PTPRK: variants seen among roughly 807,000 people sequenced by gnomAD.
PTPRK encodes the protein protein tyrosine phosphatase receptor type K, also known as receptor-type tyrosine-protein phosphatase kappa.
PTPRK carries 75 observed loss-of-function variants against 178.0 expected under a neutral mutation model. That is an observed-to-expected ratio of 0.42 (90% CI 0.35 to 0.51). PTPRK has a LOEUF of 0.51. Among genes scored for constraint, PTPRK ranks in the 20% least tolerant of loss-of-function variants. The pLI, the probability that PTPRK is intolerant of heterozygous loss-of-function variation, is 0.02. For synonymous variants in PTPRK, 637 were observed against 620.6 expected (o/e 1.03, Z -0.39); for missense variants, 1,441 against 1,797.8 (o/e 0.80, Z 3.59).
chr6:128,426,170 T>C (rs943542154), intron 1 of PTPRK, among the ~76,000 whole-genome samples: 5 of 152,246 alleles, frequency 3.3e-5, no homozygotes, highest in African/African-American at 1.2e-4. Context: ...ATTATTCCTC[T>C]GATTTCTAGT....
At chr6:128,018,632 T>G (rs1231905912) in intron 13 of PTPRK, among the ~76,000 whole-genome samples, 1 of 152,088 alleles carries the variant, frequency 6.6e-6, no homozygotes, top group Non-Finnish European at 1.5e-5. Context: ...CCTTCTAGAT[T>G]GACTCAAAGA....
chr6:128,368,427 C>T (rs1422156669), intron 2 of PTPRK, among the ~76,000 whole-genome samples: 2 of 151,614 alleles, frequency 1.3e-5, no homozygotes, highest in African/African-American at 2.4e-5. Context: ...AAATCTGTGA[C>T]GAGGCCAATG....
intron 13 of PTPRK, among the ~76,000 whole-genome samples, chr6:128,012,985 T>A (rs79330002): frequency 6.6e-6 from 1 of 151,334 alleles, no homozygotes; most frequent in South Asian, 2.1e-4. Flanking sequence ...TTCTTTAAAA[T>A]CCTACCGGCA....
intron 7 of PTPRK, among the ~76,000 whole-genome samples, chr6:128,117,191 G>A (rs933142521): frequency 3.3e-4 from 50 of 152,068 alleles, no homozygotes; most frequent in African/African-American, 1.2e-3. Flanking sequence ...ACTAATTAAT[G>A]GGAATAGCAA....
At chr6:128,198,340 C>T (rs1805291492) in intron 6 of PTPRK, among the ~76,000 whole-genome samples, 1 of 152,156 alleles carries the variant, frequency 6.6e-6, no homozygotes, top group African/African-American at 2.4e-5. Context: ...CTCTTCAAGT[C>T]CAATTATATG....
At chr6:128,312,668 C>T (rs1428936641) in intron 3 of PTPRK, among the ~76,000 whole-genome samples, 1 of 152,000 alleles carries the variant, frequency 6.6e-6, no homozygotes, top group Non-Finnish European at 1.5e-5. Context: ...CTCATTTAAC[C>T]ATCATTTTCC....
chr6:128,163,043 A>G (rs1798912921), intron 7 of PTPRK, among the ~76,000 whole-genome samples: 1 of 151,468 alleles, frequency 6.6e-6, no homozygotes, highest in Non-Finnish European at 1.5e-5. Flanking sequence ...TATTTATTAG[A>G]ATAAAATACT....
rs1829338102 is a variant in PTPRK at position 128,324,924 on chromosome 6, C to T, written c.224-2614G>A. Among the ~76,000 whole-genome samples, 3 of 152,278 alleles carry T rather than the reference C, an allele frequency of 2.0e-5. No homozygotes were observed. The South Asian group carries it at 6.2e-4, about 32-fold the overall frequency. ...GTAGTCTCCCAGAATAACTGGCTCC[C>T]AATCCTTACACTTGGGAAATTATAC... On this transcript the variant is annotated intron_variant, in intron 2 of 29. Transcript: ENST00000368226.
rs1229768750 is a variant in PTPRK, at chr6:128,005,145, A to G, written c.2433T>C (p.Thr811=). The change falls in exon 15 of 30, where the codon ACT becomes ACC. Residue 811 remains threonine, a synonymous_variant. Coordinates refer to ENST00000368226, the MANE Select transcript of PTPRK (RefSeq NM_002844.4). ...AMDRSYADQS[T]LHAEDPLSIT... is the part of the protein sequence containing the mutation. Reference sequence around the variant, plus strand: ...TGGAAAGAGGATCTTCTGCATGCAGAGTGCTCTGATCAGCATAACTTCGAT... The same window carrying G: ...TGGAAAGAGGATCTTCTGCATGCAGGGTGCTCTGATCAGCATAACTTCGAT... 6.2e-7 allele frequency: 1 copy of G among 1,611,450 alleles called. No individual in the cohort carries two copies. Among genetic ancestry groups the G allele is most frequent in the South Asian group, 1.1e-5 (1 of 90,946 alleles).
At chr6:128,151,834 G>C (rs1027241665) in intron 7 of PTPRK, among the ~76,000 whole-genome samples, 1 of 151,914 alleles carries the variant, frequency 6.6e-6, no homozygotes, top group Non-Finnish European at 1.5e-5. Flanking sequence ...ATGATAAAAA[G>C]GCAATTCTTT....
In PTPRK at chr6:128,167,394, A is replaced by G. The variant is rs574154009; in HGVS notation, c.1162+17038T>C. Among the ~76,000 whole-genome samples the G allele has an allele frequency of 3.9e-5, 6 of 152,074 alleles. No homozygotes were observed. The South Asian group carries it at 1.2e-3, about 31-fold the overall frequency. On this transcript the variant is annotated intron_variant, in intron 7 of 29. Coordinates refer to ENST00000368226, the MANE Select transcript of PTPRK (RefSeq NM_002844.4). ...AGATATCTGTAATGACTTATTTCTAAATTGAACAAAAGGAATGTATAAAAT... is the reference window on the plus strand; with the variant it reads ...AGATATCTGTAATGACTTATTTCTAGATTGAACAAAAGGAATGTATAAAAT...
chr6:128,068,727 A>G (rs1258379251), intron 11 of PTPRK, among the ~76,000 whole-genome samples: 2 of 150,886 alleles, frequency 1.3e-5, no homozygotes, highest in Non-Finnish European at 3.0e-5. Flanking sequence ...AGTTGACATT[A>G]TTATTATAAT....
chr6:128,028,583 A>G (rs958632218), intron 13 of PTPRK, among the ~76,000 whole-genome samples: 4 of 152,144 alleles, frequency 2.6e-5, no homozygotes, highest in Non-Finnish European at 5.9e-5. Context: ...TGGTTTTTCT[A>G]CCTATTTAAA....
intron 1 of PTPRK, among the ~76,000 whole-genome samples, chr6:128,514,750 A>G (rs999784257): frequency 6.6e-6 from 1 of 152,202 alleles, no homozygotes; most frequent in African/African-American, 2.4e-5. Flanking sequence ...TTAAGTGGGG[A>G]AATGGCAATG....
intron 2 of PTPRK, among the ~76,000 whole-genome samples, chr6:128,397,160 T>C (rs553632540): frequency 6.6e-6 from 1 of 152,178 alleles, no homozygotes; most frequent in Non-Finnish European, 1.5e-5. Flanking sequence ...CTCCTTACAA[T>C]GTAATAAAAT....
intron 3 of PTPRK, among the ~76,000 whole-genome samples, chr6:128,308,628 G>C (rs1017963932): frequency 9.9e-5 from 15 of 152,124 alleles, no homozygotes; most frequent in Non-Finnish European, 1.8e-4. Context: ...GGAAAAGTCA[G>C]AGATATCTCA....
intron 6 of PTPRK, among the ~76,000 whole-genome samples, chr6:128,192,603 C>G (rs532546550): frequency 9.9e-5 from 15 of 151,894 alleles, no homozygotes; most frequent in Non-Finnish European, 7.4e-5. Context: ...GCAAATCGCT[C>G]GAGCCCAGGA....
intron 7 of PTPRK, among the ~76,000 whole-genome samples, chr6:128,116,997 T>C (rs1791637612): frequency 6.6e-6 from 1 of 151,838 alleles, no homozygotes; most frequent in Non-Finnish European, 1.5e-5. Context: ...ATACAAAAAA[T>C]TAGCAGGGCA....
At chr6:128,270,372 C>T (rs1171854209) in intron 3 of PTPRK, among the ~76,000 whole-genome samples, 1 of 151,992 alleles carries the variant, frequency 6.6e-6, no homozygotes, top group African/African-American at 2.4e-5. Context: ...ACACATATAG[C>T]TTAAATAGAA....
Sources: allele counts gnomAD v4.1 joint callset (sites outside exome capture counted in the v4.1 genomes callset), GRCh38; gene constraint gnomAD v4.1.1; transcripts MANE v1.5; gene names NCBI Gene and HGNC (gene_info 2026-07-23, HGNC 2026-07-21).